IL1RAPL1: variants seen among roughly 807,000 people sequenced by gnomAD.
IL1RAPL1 encodes the protein interleukin-1 receptor accessory protein-like 1.
IL1RAPL1 carries 3 observed loss-of-function variants against 48.4 expected under a neutral mutation model. That is an observed-to-expected ratio of 0.06 (90% CI 0.03 to 0.16). The LOEUF is 0.16. Among genes scored for constraint, IL1RAPL1 ranks in the 10% least tolerant of loss-of-function variants. The pLI is 1.00. For missense variants in IL1RAPL1, 349 were observed against 530.6 expected (o/e 0.66, Z 3.36); for synonymous variants, 185 against 187.7 (o/e 0.99, Z 0.12).
At chrX:29,770,451 A>T (rs1466805366) in intron 6 of IL1RAPL1, among the ~76,000 whole-genome samples, 1 of 101,501 alleles carries the variant, frequency 9.9e-6, no homozygotes, top group South Asian at 4.5e-4. Flanking sequence ...CATTTTTTAA[A>T]GTATAAACCT....
chrX:29,910,972 A>ATATT (rs1042394388), intron 6 of IL1RAPL1, among the ~76,000 whole-genome samples: 4 of 111,507 alleles, frequency 3.6e-5, no homozygotes, highest in African/African-American at 9.8e-5. Flanking sequence ...ATTTCTTCAA[A>ATATT]TATTTAAACA....
At chrX:29,035,712 G>C (rs747425258) in intron 2 of IL1RAPL1, among the ~76,000 whole-genome samples, 3 of 111,272 alleles carry the variant, frequency 2.7e-5, no homozygotes, top group Non-Finnish European at 5.7e-5. Context: ...CATTAATATA[G>C]CATTGGAGTG....
intron 6 of IL1RAPL1, among the ~76,000 whole-genome samples, chrX:29,779,469 G>A (rs1007804479): frequency 7.2e-5 from 8 of 111,180 alleles, no homozygotes; most frequent in Non-Finnish European, 1.5e-4. Context: ...GGAGGAGAAT[G>A]AGGATCAATA....
intron 6 of IL1RAPL1, among the ~76,000 whole-genome samples, chrX:29,689,748 A>T (rs1926725428): frequency 8.9e-6 from 1 of 112,475 alleles, no homozygotes; most frequent in African/African-American, 3.2e-5. Context: ...AATTCAGCCA[A>T]CTGAACTGAT....
At chrX:28,885,377 T>C (rs1279476940) in intron 2 of IL1RAPL1, among the ~76,000 whole-genome samples, 2 of 110,670 alleles carry the variant, frequency 1.8e-5, no homozygotes, top group Non-Finnish European at 3.8e-5. Context: ...AAATGAGAAA[T>C]GGTTTCCACT....
At chrX:28,652,462 C>T (rs368160384) in intron 1 of IL1RAPL1, among the ~76,000 whole-genome samples, 1 of 111,608 alleles carries the variant, frequency 9.0e-6, no homozygotes. Context: ...CTCATACAAT[C>T]GATAATAAAT....
intron 3 of IL1RAPL1, among the ~76,000 whole-genome samples, chrX:29,326,671 C>T (rs189226748): frequency 4.4e-4 from 49 of 111,992 alleles, no homozygotes; most frequent in Admixed American, 3.2e-3. Flanking sequence ...AATATAGCCA[C>T]CATTTATTAA....
intron 5 of IL1RAPL1, among the ~76,000 whole-genome samples, chrX:29,410,112 G>A (rs1934123933): frequency 9.0e-6 from 1 of 110,651 alleles, no homozygotes; most frequent in South Asian, 3.8e-4. Flanking sequence ...GTGAGCCACT[G>A]TGCCCGGCCT....
chrX:29,169,292 G>C (rs1448860777), intron 2 of IL1RAPL1, among the ~76,000 whole-genome samples: 1 of 109,826 alleles, frequency 9.1e-6, no homozygotes, highest in Admixed American at 9.9e-5. Context: ...AATATATAAG[G>C]TAAATTCTTT....
chrX:28,734,356 T>C (rs1357533566), intron 1 of IL1RAPL1, among the ~76,000 whole-genome samples: 1 of 111,129 alleles, frequency 9.0e-6, no homozygotes, highest in Non-Finnish European at 1.9e-5. Context: ...CATTATTTCT[T>C]CTTATGTCAT....
chrX:28,857,897 C>A (rs1921844184), intron 2 of IL1RAPL1, among the ~76,000 whole-genome samples: 1 of 111,567 alleles, frequency 9.0e-6, no homozygotes, highest in African/African-American at 3.3e-5. Flanking sequence ...TGTGATAGAT[C>A]TAAGCAAAGT....
chrX:29,197,794 C>T (rs1002208864), intron 2 of IL1RAPL1, among the ~76,000 whole-genome samples: 1 of 107,149 alleles, frequency 9.3e-6, no homozygotes, highest in Non-Finnish European at 1.9e-5. Flanking sequence ...CCGCAACCTC[C>T]GCCTCCCTGG....
intron 3 of IL1RAPL1, among the ~76,000 whole-genome samples, chrX:29,319,558 GTATCTATC>G (rs753188364): frequency 1.2e-5 from 1 of 82,023 alleles, no homozygotes; most frequent in South Asian, 5.7e-4. Flanking sequence ...ATGTATGTAT[GTATCTATC>G]TATCTATCTA....
rs35088625 is a variant in IL1RAPL1, at chrX:29,221,620, T to TACAC, written c.83-61268_83-61265dup. Among the ~76,000 whole-genome samples, 571 of 79,436 alleles carry TACAC rather than the reference T, an allele frequency of 7.2e-3. 7 individuals are homozygous for TACAC. The highest frequency in any genetic ancestry group is 0.036 in the East Asian group (92 of 2,558). The allele number at this position is 79,436 out of a possible 115,157, so 69.0% of individuals were successfully genotyped here. ...CAAAGGAGCAATGTATACACACACA[T>TACAC]ACACACACACACACACACACACACA... On this transcript the variant is annotated intron_variant, in intron 2 of 10. Coordinates refer to ENST00000378993, the MANE Select transcript of IL1RAPL1 (RefSeq NM_014271.4).
At chrX:29,193,523 A>T (rs1015606558) in intron 2 of IL1RAPL1, among the ~76,000 whole-genome samples, 1 of 111,108 alleles carries the variant, frequency 9.0e-6, no homozygotes, top group South Asian at 3.7e-4. Context: ...CCCCCAATAC[A>T]TCGTAGATCT....
At chrX:29,103,506 A>G (rs1928387218) in intron 2 of IL1RAPL1, among the ~76,000 whole-genome samples, 1 of 108,154 alleles carries the variant, frequency 9.2e-6, no homozygotes. Context: ...AAGACCTGAA[A>G]CTATGAAACT....
chrX:29,671,241 C>T (rs903980086), intron 6 of IL1RAPL1, among the ~76,000 whole-genome samples: 3 of 111,659 alleles, frequency 2.7e-5, no homozygotes, highest in South Asian at 3.7e-4. Context: ...ATTTGCTAGC[C>T]GTGCCTACCT....
At chrX:29,739,770 C>A (rs1928148627) in intron 6 of IL1RAPL1, among the ~76,000 whole-genome samples, 1 of 110,401 alleles carries the variant, frequency 9.1e-6, no homozygotes, top group Non-Finnish European at 1.9e-5. Flanking sequence ...TTTAGAAGTA[C>A]CATGGGTCCA....
intron 2 of IL1RAPL1, among the ~76,000 whole-genome samples, chrX:29,096,935 A>G (rs1251553074): frequency 1.8e-5 from 2 of 110,240 alleles, no homozygotes; most frequent in African/African-American, 6.6e-5. Flanking sequence ...GGCTCTGCCA[A>G]AAATAAAATA....
Sources: allele counts gnomAD v4.1 joint callset (sites outside exome capture counted in the v4.1 genomes callset), GRCh38; gene constraint gnomAD v4.1.1; transcripts MANE v1.5; gene names NCBI Gene and HGNC (gene_info 2026-07-23, HGNC 2026-07-21).